Variants in TENT2 observed in about 807,000 individuals in gnomAD.
TENT2 encodes the protein poly(A) RNA polymerase GLD2.
A neutral mutation model predicts 72.2 loss-of-function variants in TENT2; 44 were observed. That is an observed-to-expected ratio of 0.61 (90% confidence interval 0.48 to 0.78). TENT2 has a LOEUF of 0.78. TENT2 is among the 30% of genes least tolerant of loss of function. The pLI, the probability that TENT2 is intolerant of heterozygous loss-of-function variation, is 0.00. For missense variants in TENT2, 541 were observed against 569.6 expected (o/e 0.95, Z 0.51); for synonymous variants, 212 against 192.5 (o/e 1.10, Z -0.84).
chr5:79,683,314 C>T (rs559083554), intron 14 of TENT2, among the ~76,000 whole-genome samples: 1 of 72,400 alleles, frequency 1.4e-5, no homozygotes, highest in Non-Finnish European at 2.2e-5. Flanking sequence ...CGCACATGCT[C>T]ACACACACAC....
At chr5:79,635,359 A>G (rs1779228589) in intron 4 of TENT2, among the ~76,000 whole-genome samples, 1 of 152,230 alleles carries the variant, frequency 6.6e-6, no homozygotes, top group Admixed American at 6.5e-5. Flanking sequence ...ATAAAAACTC[A>G]TTAAATCTCC....
Position 79,639,363 on chromosome 5 carries a change from G to A in TENT2, c.466-1488G>A, listed in dbSNP as rs983789685. 8.1e-4 allele frequency among the ~76,000 whole-genome samples: 124 copies of A among 152,254 alleles called. 1 individual carries two copies. The highest frequency in any genetic ancestry group is 3.0e-3 in the African/African-American group (123 of 41,542). ...CCAAAGACTTGGAAGTAATTGCTAA[G>A]TGATGCTAAGGGCCAACCTAAGACT... On this transcript the variant is annotated intron_variant, in intron 4 of 14. Coordinates refer to ENST00000453514, the MANE Select transcript of TENT2 (RefSeq NM_001114394.3).
rs768577890 is a variant in TENT2 at position 79,685,495 on chromosome 5, G to A, written c.*222G>A. On this transcript the variant is annotated 3_prime_UTR_variant, in exon 15 of 15. Transcript: ENST00000453514. ...TTAAAAATGTTTACATTGATGATGA[G>A]TAATATTGCATGTGTTTTCAGGTGA... 5 of 354,186 alleles carry A rather than the reference G, an allele frequency of 1.4e-5. No individual in the cohort carries two copies. The Admixed American group carries it at 1.9e-4, about 13-fold the overall frequency. The allele number at this position is 354,186 out of a possible 1,614,324, so 21.9% of individuals were successfully genotyped here. A position where few individuals can be genotyped will look rare whatever the true frequency, so the allele number is the denominator to read the frequency against.
intron 10 of TENT2, 176 bp from the exon 11 acceptor site, chr5:79,656,777 CAACTT>C (rs1185191773): frequency 4.0e-6 from 2 of 499,972 alleles, no homozygotes; most frequent in East Asian, 3.3e-5. Flanking sequence ...CTTAGTTTGT[CAACTT>C]AAATATATTT....
chr5:79,665,349 TAGA>T (rs1806605768), intron 11 of TENT2, among the ~76,000 whole-genome samples: 1 of 152,204 alleles, frequency 6.6e-6, no homozygotes, highest in Non-Finnish European at 1.5e-5. Context: ...GGTTTTCAAA[TAGA>T]AGGTTAGCCA....
At chr5:79,634,378 C>T (rs1158051367) in intron 4 of TENT2, among the ~76,000 whole-genome samples, 1 of 151,610 alleles carries the variant, frequency 6.6e-6, no homozygotes, top group Non-Finnish European at 1.5e-5. Flanking sequence ...GCTCTGTTGC[C>T]CAGGCTAGAG....
chr5:79,677,096 A>G (rs1817862054), intron 12 of TENT2, among the ~76,000 whole-genome samples: 2 of 152,232 alleles, frequency 1.3e-5, no homozygotes, highest in Non-Finnish European at 2.9e-5. Flanking sequence ...CCTTTAGAGT[A>G]CAAAGAGTAT....
intron 11 of TENT2, chr5:79,668,608 T>TCGCCG: frequency 3.6e-6 from 1 of 279,392 alleles, no homozygotes; most frequent in Non-Finnish European, 6.7e-6. Flanking sequence ...TATAGTAAGG[T>TCGCCG]TTTATTTATG....
chr5:79,682,430 C>T (rs112356083), intron 14 of TENT2, among the ~76,000 whole-genome samples: 3,198 of 151,836 alleles, frequency 0.021, 115 homozygotes, highest in African/African-American at 0.074. Context: ...CAGACGAGTG[C>T]CACCACACCC....
intron 14 of TENT2, among the ~76,000 whole-genome samples, chr5:79,684,290 A>G (rs1334054121): frequency 1.3e-5 from 2 of 152,118 alleles, no homozygotes; most frequent in Admixed American, 6.5e-5. Flanking sequence ...CATAAATACT[A>G]TATATTTTTT....
intron 14 of TENT2, among the ~76,000 whole-genome samples, chr5:79,684,203 C>G (rs1245684157): frequency 1.3e-5 from 2 of 152,128 alleles, no homozygotes; most frequent in Non-Finnish European, 2.9e-5. Context: ...CTTTTCTTCT[C>G]CTTATCAATT....
chr5:79,666,684 A>C (rs1408153005), intron 11 of TENT2, among the ~76,000 whole-genome samples: 1 of 152,148 alleles, frequency 6.6e-6, no homozygotes, highest in Non-Finnish European at 1.5e-5. Flanking sequence ...TAATAACCTA[A>C]ATTTCTTTCT....
In TENT2 at chr5:79,678,889, T is replaced by C. The variant is rs191113977; in HGVS notation, c.1209-690T>C. 4.6e-3 allele frequency among the ~76,000 whole-genome samples: 702 copies of C among 152,068 alleles called. 2 individuals are homozygous for C. The highest frequency in any genetic ancestry group is 0.012 in the African/African-American group (513 of 41,572). Reference sequence around the variant, plus strand: ...ATAGTTGTTTTTGTTTGTTTACTTGTACTTTCTTTTCTTTTCTTTTCTTTT... The same window carrying C: ...ATAGTTGTTTTTGTTTGTTTACTTGCACTTTCTTTTCTTTTCTTTTCTTTT... On this transcript the variant is annotated intron_variant, in intron 12 of 14. Transcript: ENST00000453514.
chr5:79,631,527 G>A lies in TENT2; in HGVS notation c.465+8038G>A, dbSNP rs577864907. On this transcript the variant is annotated intron_variant, in intron 4 of 14. Transcript: ENST00000453514. ...TTTGGCCATCATCAGCATACAGATG[G>A]TAATTGAAGCCCCAGGAAGAGAGTC... Among the ~76,000 whole-genome samples, 5 of 152,300 alleles carry A rather than the reference G, an allele frequency of 3.3e-5. No homozygotes were observed. The East Asian group carries it at 7.7e-4, about 23-fold the overall frequency.
Position 79,641,068 on chromosome 5 carries a change from T to C in TENT2, c.581-37T>C, listed in dbSNP as rs745889213. ...CACAGAACCATGCACCTACTTTAGA[T>C]TTTAAATACTCTTATTACTTTCTTC... On this transcript the variant is annotated intron_variant, in intron 5 of 14. Coordinates refer to ENST00000453514, the MANE Select transcript of TENT2 (RefSeq NM_001114394.3). 3.9e-6 allele frequency: 6 copies of C among 1,531,304 alleles called. No individual in the cohort carries two copies. The South Asian group carries it at 6.4e-5, about 16-fold the overall frequency. 94.9% of individuals were successfully genotyped at this position (1,531,304 alleles called of 1,614,324 possible). A position where few individuals can be genotyped will look rare whatever the true frequency, so the allele number is the denominator to read the frequency against.
rs545156329 is a variant in TENT2 at position 79,646,187 on chromosome 5, A to G, written c.821+995A>G. On this transcript the variant is annotated intron_variant, in intron 8 of 14. Transcript: ENST00000453514. ...GTGGAGTTACTTTCTAGTGTCCCCA[A>G]GTGCAAGAAGGCTGTGATGGTGCCC... Among the ~76,000 whole-genome samples the G allele has an allele frequency of 2.6e-5, 4 of 152,252 alleles. No individual in the cohort carries two copies. The South Asian group carries it at 6.2e-4, about 24-fold the overall frequency.
At chr5:79,648,503 G>A (rs1336132042) in intron 8 of TENT2, 114 bp from the exon 9 acceptor site, 20 of 681,018 alleles carry the variant, frequency 2.9e-5, no homozygotes, top group Non-Finnish European at 5.0e-5. Flanking sequence ...TATGGCCTTT[G>A]GGCCCATACT....
intron 12 of TENT2, among the ~76,000 whole-genome samples, chr5:79,671,003 G>T (rs958779828): frequency 1.3e-5 from 2 of 151,860 alleles, no homozygotes; most frequent in African/African-American, 2.4e-5. Context: ...GGGGATGTTT[G>T]TGGAGGGGGA....
chr5:79,651,769 G>A (rs1025216402), intron 10 of TENT2, among the ~76,000 whole-genome samples: 1 of 152,010 alleles, frequency 6.6e-6, no homozygotes, highest in Non-Finnish European at 1.5e-5. Context: ...TTTGTCTGGA[G>A]ATAGGGTGCC....
Sources: gnomAD v4.1 joint callset for allele counts (sites outside exome capture counted in the v4.1 genomes callset) on GRCh38, gnomAD v4.1.1 for gene constraint, MANE v1.5 for transcripts, NCBI Gene and HGNC (gene_info 2026-07-23, HGNC 2026-07-21) for gene names.